SCAF8: variants seen among roughly 807,000 people sequenced by gnomAD.
SCAF8 encodes the protein SR-related and CTD-associated factor 8.
A neutral mutation model predicts 140.5 loss-of-function variants in SCAF8; 23 were observed. That is an observed-to-expected ratio of 0.16 (90% CI 0.12 to 0.23). The LOEUF is 0.23. Ranked by LOEUF, SCAF8 falls within the 10% of genes least tolerant of loss-of-function variation. SCAF8 has a pLI of 1.00. For synonymous variants in SCAF8, 575 were observed against 528.9 expected (o/e 1.09, Z -1.20); for missense variants, 1,397 against 1,555.7 (o/e 0.90, Z 1.72).
At position 154,832,635 on chromosome 6, in the gene SCAF8, C is replaced by A. The variant is rs777333907; in HGVS notation, c.3056C>A (p.Pro1019His). The part of the protein sequence containing the change: ...QQEGDRDYRF[P>H]PIETRESISR... Reference sequence around the variant, plus strand: ...GAAGGAGATAGAGATTACCGGTTTCCTCCTATAGAAACCAGGGAAAGCATT... The same window carrying A: ...GAAGGAGATAGAGATTACCGGTTTCATCCTATAGAAACCAGGGAAAGCATT... Residue 1019 changes from proline to histidine, a missense_variant, in exon 20 of 20, where the codon CCT becomes CAT. Transcript: ENST00000367178. 1.2e-6 allele frequency: 2 copies of A among 1,613,848 alleles called. No individual in the cohort carries two copies. Among genetic ancestry groups the A allele is most frequent in the African/African-American group, 2.7e-5 (2 of 74,876 alleles).
rs1183435064 is a variant in SCAF8, at chr6:154,830,908, T to C, written c.2141-14T>C. 1 of 1,601,196 alleles carries C rather than the reference T, an allele frequency of 6.2e-7. No individual in the cohort carries two copies. Among genetic ancestry groups the C allele is most frequent in the Non-Finnish European group, 8.6e-7 (1 of 1,169,332 alleles). ...TCATTAAATCTGAAATATATTTTTC[T>C]CCTCTTTAAACAGCTTTAGTGCAGC... is the stretch of plus-strand genomic sequence containing the variant. On this transcript the variant is annotated splice_polypyrimidine_tract_variant and intron_variant, in intron 18 of 19. Coordinates refer to ENST00000367178, the MANE Select transcript of SCAF8 (RefSeq NM_014892.5).
At chr6:154,772,974 G>T (rs1776814545) in intron 1 of SCAF8, among the ~76,000 whole-genome samples, 1 of 152,250 alleles carries the variant, frequency 6.6e-6, no homozygotes, top group African/African-American at 2.4e-5. Flanking sequence ...TGGCCAGGCT[G>T]GTCTTGAACT....
chr6:154,744,875 A>G (rs956958588), intron 1 of SCAF8, among the ~76,000 whole-genome samples: 11 of 152,204 alleles, frequency 7.2e-5, no homozygotes, highest in African/African-American at 2.2e-4. Context: ...TTCACATACA[A>G]ATGAACACAT....
intron 6 of SCAF8, among the ~76,000 whole-genome samples, chr6:154,795,418 A>G (rs1405857792): frequency 2.6e-5 from 4 of 152,226 alleles, no homozygotes; most frequent in Non-Finnish European, 5.9e-5. Flanking sequence ...CTCCAGTAAC[A>G]AGACAGGAGT....
intron 1 of SCAF8, among the ~76,000 whole-genome samples, chr6:154,740,425 T>TAA (rs2114790181): frequency 6.6e-6 from 1 of 152,282 alleles, no homozygotes; most frequent in Non-Finnish European, 1.5e-5. Flanking sequence ...GGTCTCCTGT[T>TAA]AAACTGTCTT....
rs1778813501 is a variant in SCAF8, at chr6:154,833,496, ATTAAG to A, written c.*106_*110del. The A allele has an allele frequency of 6.2e-6, 7 of 1,121,840 alleles. No homozygotes were observed. The highest frequency in any genetic ancestry group is 8.9e-6 in the Non-Finnish European group (7 of 785,232). 69.5% of individuals were successfully genotyped at this position (1,121,840 alleles called of 1,614,324 possible). ...TAGTTGTTCACTTTTGTCTGCCAGA[ATTAAG>A]TTAATCTGATGTTCATGTTCACCTT... On this transcript the variant is annotated 3_prime_UTR_variant, in exon 20 of 20. Transcript: ENST00000367178.
intron 17 of SCAF8, among the ~76,000 whole-genome samples, chr6:154,825,502 T>C (rs1778539623): frequency 6.6e-6 from 1 of 151,490 alleles, no homozygotes; most frequent in African/African-American, 2.4e-5. Context: ...AGTGACACCC[T>C]GTCTGTACAA....
intron 18 of SCAF8, among the ~76,000 whole-genome samples, chr6:154,829,520 G>T (rs1157626224): frequency 6.6e-6 from 1 of 152,170 alleles, no homozygotes; most frequent in Non-Finnish European, 1.5e-5. Context: ...TAGACCTGAA[G>T]AGTGTATGTG....
intron 1 of SCAF8, among the ~76,000 whole-genome samples, chr6:154,746,404 G>A (rs1042956039): frequency 6.6e-6 from 1 of 152,128 alleles, no homozygotes; most frequent in Non-Finnish European, 1.5e-5. Context: ...AGATAGAACT[G>A]TAAATTATAT....
intron 1 of SCAF8, among the ~76,000 whole-genome samples, chr6:154,758,476 GC>G (rs1464361011): frequency 6.6e-6 from 1 of 152,178 alleles, no homozygotes; most frequent in Non-Finnish European, 1.5e-5. Flanking sequence ...TAGAGCCTTT[GC>G]TGTGCTTCTT....
intron 3 of SCAF8, among the ~76,000 whole-genome samples, chr6:154,784,677 G>GT (rs1252961964): frequency 6.6e-6 from 1 of 152,216 alleles, no homozygotes; most frequent in Non-Finnish European, 1.5e-5. Context: ...CTGATTTAAA[G>GT]TAGATGGGAT....
intron 5 of SCAF8, among the ~76,000 whole-genome samples, 195 bp from the exon 6 acceptor site, chr6:154,794,814 T>C: frequency 8.5e-6 from 1 of 117,940 alleles, no homozygotes. Flanking sequence ...TGTGTGTGTG[T>C]GTGTGTGTGT....
At chr6:154,756,596 C>T (rs964559459) in intron 1 of SCAF8, among the ~76,000 whole-genome samples, 1 of 152,072 alleles carries the variant, frequency 6.6e-6, no homozygotes, top group Non-Finnish European at 1.5e-5. Flanking sequence ...TTGATTATAC[C>T]TTGATAGTAA....
At chr6:154,789,296 A>G (rs1451674788) in intron 4 of SCAF8, among the ~76,000 whole-genome samples, 1 of 151,496 alleles carries the variant, frequency 6.6e-6, no homozygotes, top group Non-Finnish European at 1.5e-5. Context: ...TATTTTTAGT[A>G]GAGATGGAGT....
At chr6:154,754,065 A>G (rs1052161723) in intron 1 of SCAF8, among the ~76,000 whole-genome samples, 1 of 152,146 alleles carries the variant, frequency 6.6e-6, no homozygotes, top group African/African-American at 2.4e-5. Context: ...CCATTAGGAG[A>G]AAGGTGGAGT....
chr6:154,757,623 C>G (rs559527832), intron 1 of SCAF8, among the ~76,000 whole-genome samples: 1 of 152,218 alleles, frequency 6.6e-6, no homozygotes. Flanking sequence ...GAAAAAAATA[C>G]CTTTATTGGC....
chr6:154,770,599 A>T (rs1776729731), intron 1 of SCAF8, among the ~76,000 whole-genome samples: 1 of 152,088 alleles, frequency 6.6e-6, no homozygotes, highest in African/African-American at 2.4e-5. Flanking sequence ...AAAAATTCTT[A>T]GAAAGTATGT....
chr6:154,808,806 AATG>A lies in SCAF8; in HGVS notation c.1226+11_1226+13del. On this transcript the variant is annotated intron_variant, in intron 11 of 19. Coordinates refer to ENST00000367178, the MANE Select transcript of SCAF8 (RefSeq NM_014892.5). ...TTCACGATCTCGTTCAAGGTTCTAC[AATG>A]ATATTTAATAATAGCCGTGTGTGAA... 6.4e-7 allele frequency: 1 copy of A among 1,556,010 alleles called. No individual in the cohort carries two copies. Among genetic ancestry groups the A allele is most frequent in the Middle Eastern group, 1.7e-4 (1 of 5,964 alleles).
chr6:154,827,077 A>G (rs763192443), intron 17 of SCAF8, 95 bp from the exon 18 acceptor site: 3 of 1,006,176 alleles, frequency 3.0e-6, no homozygotes, highest in South Asian at 3.0e-5. Flanking sequence ...AGTCCATTTT[A>G]AGAATATGAA....
Sources: gnomAD v4.1 joint callset for allele counts (sites outside exome capture counted in the v4.1 genomes callset) on GRCh38, gnomAD v4.1.1 for gene constraint, MANE v1.5 for transcripts, NCBI Gene and HGNC (gene_info 2026-07-23, HGNC 2026-07-21) for gene names.